The following GPM6A variants were observed in gnomAD, a reference collection of about 807,000 sequenced individuals.
GPM6A encodes the protein neuronal membrane glycoprotein M6-a.
In GPM6A, 7 loss-of-function variants were observed where a neutral mutation model predicts 32.1. The ratio of observed to expected loss-of-function variants is 0.22; its 90% CI spans 0.12 to 0.41. The LOEUF (loss-of-function observed/expected upper bound fraction) is 0.41, where lower values mean the gene tolerates loss of function less well. Ranked by LOEUF, GPM6A falls within the 10% of genes least tolerant of loss-of-function variation. The pLI is 1.00. For missense variants in GPM6A, 235 were observed against 347.2 expected (o/e 0.68, Z 2.57); for synonymous variants, 130 against 123.4 (o/e 1.05, Z -0.35).
chr4:175,953,916 T>TG (rs1739900084), intron 1 of GPM6A, among the ~76,000 whole-genome samples: 1 of 151,978 alleles, frequency 6.6e-6, no homozygotes, highest in Admixed American at 6.6e-5. Flanking sequence ...TAAAATAAAA[T>TG]AAAATAACTA....
chr4:175,755,123 C>A (rs2111196698), intron 1 of GPM6A, among the ~76,000 whole-genome samples: 1 of 152,168 alleles, frequency 6.6e-6, no homozygotes, highest in South Asian at 2.1e-4. Flanking sequence ...TTAATTCAAA[C>A]ACTTTCACAC....
At chr4:175,709,164 G>A (rs776565099) in intron 1 of GPM6A, among the ~76,000 whole-genome samples, 5 of 151,982 alleles carry the variant, frequency 3.3e-5, no homozygotes, top group East Asian at 1.9e-4. Flanking sequence ...TCATCTGAAC[G>A]TATTTCCTTT....
At chr4:175,717,813 G>A (rs979944967) in intron 1 of GPM6A, among the ~76,000 whole-genome samples, 14 of 152,160 alleles carry the variant, frequency 9.2e-5, no homozygotes, top group Non-Finnish European at 1.9e-4. Flanking sequence ...TTTTTCTAAT[G>A]TCTTGTGGAT....
chr4:175,838,857 G>A (rs912808531), intron 1 of GPM6A, among the ~76,000 whole-genome samples: 5 of 151,926 alleles, frequency 3.3e-5, no homozygotes, highest in African/African-American at 9.7e-5. Context: ...GTTTCACCAT[G>A]TTGGCCAGGC....
chr4:175,997,149 A>G (rs977893908), intron 1 of GPM6A, among the ~76,000 whole-genome samples: 1 of 152,178 alleles, frequency 6.6e-6, no homozygotes, highest in Admixed American at 6.5e-5. Flanking sequence ...CCCTGCTGTC[A>G]TCAGGCTTCC....
chr4:175,705,848 TAA>T (rs1745159761), intron 1 of GPM6A, among the ~76,000 whole-genome samples: 1 of 152,170 alleles, frequency 6.6e-6, no homozygotes, highest in South Asian at 2.1e-4. Context: ...AGTAAAATGA[TAA>T]AGATTACTTT....
chr4:175,646,530 C>G (rs1299955900), intron 4 of GPM6A, among the ~76,000 whole-genome samples: 1 of 152,152 alleles, frequency 6.6e-6, no homozygotes, highest in Non-Finnish European at 1.5e-5. Flanking sequence ...ATGTAAGTGT[C>G]AAACTTCATT....
chr4:175,859,346 C>G (rs2111416925), intron 1 of GPM6A, among the ~76,000 whole-genome samples: 1 of 152,200 alleles, frequency 6.6e-6, no homozygotes, highest in East Asian at 1.9e-4. Flanking sequence ...GAGGCTGGAG[C>G]CTTAAAGTCT....
At chr4:175,742,117 AC>A (rs1432390382) in intron 1 of GPM6A, among the ~76,000 whole-genome samples, 4 of 152,270 alleles carry the variant, frequency 2.6e-5, no homozygotes, top group African/African-American at 9.6e-5. Context: ...AAAATATTAA[AC>A]TTTTCCTCTT....
intron 1 of GPM6A, chr4:175,811,989 T>C: frequency 2.0e-6 from 1 of 512,234 alleles, no homozygotes; most frequent in South Asian, 3.2e-5. Flanking sequence ...TGCATTTCGG[T>C]ACTTATATCT....
intron 5 of GPM6A, 129 bp downstream of exon 5, chr4:175,640,624 C>T: frequency 1.5e-6 from 1 of 683,788 alleles, no homozygotes; most frequent in Non-Finnish European, 2.6e-6. Flanking sequence ...AATAACACTA[C>T]TTCAGGTAAA....
intron 1 of GPM6A, among the ~76,000 whole-genome samples, chr4:175,898,973 T>A (rs2111487494): frequency 6.6e-6 from 1 of 152,304 alleles, no homozygotes; most frequent in Middle Eastern, 3.4e-3. Flanking sequence ...AACAGACAAG[T>A]TTCCATGCTC....
At chr4:175,708,202 C>A (rs2111082165) in intron 1 of GPM6A, among the ~76,000 whole-genome samples, 1 of 151,920 alleles carries the variant, frequency 6.6e-6, no homozygotes, top group South Asian at 2.1e-4. Flanking sequence ...GTGAAAAGTT[C>A]AAGGAAGGAA....
intron 1 of GPM6A, among the ~76,000 whole-genome samples, chr4:175,925,833 T>G (rs1319238912): frequency 1.3e-5 from 2 of 150,190 alleles, no homozygotes; most frequent in South Asian, 4.2e-4. Flanking sequence ...CAGATTCTCT[T>G]TTTTTTCTTT....
intron 1 of GPM6A, among the ~76,000 whole-genome samples, chr4:175,961,029 G>C (rs1740146997): frequency 6.6e-6 from 1 of 152,140 alleles, no homozygotes; most frequent in Admixed American, 6.5e-5. Flanking sequence ...ATAATATTCA[G>C]CATACCAATG....
chr4:175,904,646 C>G (rs373106211), intron 1 of GPM6A, among the ~76,000 whole-genome samples: 1 of 152,010 alleles, frequency 6.6e-6, no homozygotes, highest in Non-Finnish European at 1.5e-5. Flanking sequence ...TATATCTGAA[C>G]GTGAAGGTAT....
chr4:175,945,707 T>TATAATTAAGTAATACGGGTAC, intron 1 of GPM6A, among the ~76,000 whole-genome samples: 1 of 150,176 alleles, frequency 6.7e-6, no homozygotes, highest in South Asian at 2.1e-4. Context: ...ACTTGTAAGT[T>TATAATTAAGTAATACGGGTAC]ATATTACTTA....
At chr4:175,682,831 A>G (rs1226507551) in intron 2 of GPM6A, among the ~76,000 whole-genome samples, 1 of 152,192 alleles carries the variant, frequency 6.6e-6, no homozygotes, top group Non-Finnish European at 1.5e-5. Context: ...TGTATGAGAA[A>G]GCCTGGGTGC....
chr4:175,818,330 T>C (rs527908514), intron 1 of GPM6A, among the ~76,000 whole-genome samples: 1 of 152,360 alleles, frequency 6.6e-6, no homozygotes, highest in East Asian at 1.9e-4. Context: ...AGCTGGAAAG[T>C]GTTATCCTCA....
Sources: allele counts gnomAD v4.1 joint callset (sites outside exome capture counted in the v4.1 genomes callset), GRCh38; gene constraint gnomAD v4.1.1; transcripts MANE v1.5; gene names NCBI Gene and HGNC (gene_info 2026-07-23, HGNC 2026-07-21).